Variants in RBM26 observed in about 807,000 individuals in gnomAD.
RBM26 encodes RNA binding motif protein 26.
RBM26 carries 30 observed loss-of-function variants against 123.6 expected under a neutral mutation model. The ratio of observed to expected loss-of-function variants is 0.24; its 90% CI spans 0.18 to 0.33. The LOEUF is 0.33. Ranked by LOEUF, RBM26 falls within the 10% of genes least tolerant of loss-of-function variation. The pLI, the probability that RBM26 is intolerant of heterozygous loss-of-function variation, is 1.00. For missense variants in RBM26, 947 were observed against 1,203.6 expected (o/e 0.79, Z 3.15); for synonymous variants, 400 against 404.4 (o/e 0.99, Z 0.13).
intron 3 of RBM26, among the ~76,000 whole-genome samples, chr13:79,374,457 A>C (rs2076466208): frequency 1.3e-5 from 2 of 152,148 alleles, no homozygotes; most frequent in Admixed American, 6.6e-5. Context: ...ACGACACTCC[A>C]GCCTGGGCAA....
chr13:79,332,390 C>T lies in RBM26; in HGVS notation c.2820+1954G>A, dbSNP rs148106459. Reference sequence around the variant, plus strand: ...ACACACAAATTTTTAAATTCCTAAACTTTACTGTTCCCTGAAATCCAAAAG... The same window carrying T: ...ACACACAAATTTTTAAATTCCTAAATTTTACTGTTCCCTGAAATCCAAAAG... On this transcript the variant is annotated intron_variant, in intron 20 of 21. Coordinates refer to ENST00000438737, the MANE Select transcript of RBM26 (RefSeq NM_001366735.2). Among the ~76,000 whole-genome samples, 625 of 152,242 alleles carry T rather than the reference C, an allele frequency of 4.1e-3. 2 individuals are homozygous for T. The highest frequency in any genetic ancestry group is 6.8e-3 in the Middle Eastern group (2 of 294).
Position 79,406,032 on chromosome 13 carries a change from T to G in RBM26, c.-258A>C, listed in dbSNP as rs536253436. On this transcript the variant is annotated 5_prime_UTR_variant, in exon 1 of 22. Transcript: ENST00000438737. ...AAACAGCAACGGTTTGCCCGGGCCC[T>G]CCCCCTTCCCTCTTCCCCAGCAAAT... 4.1e-6 allele frequency: 1 copy of G among 242,810 alleles called. No homozygotes were observed. The highest frequency in any genetic ancestry group is 3.1e-5 in the African/African-American group (1 of 32,780). The allele number at this position is 242,810 out of a possible 1,614,324, so 15.0% of individuals were successfully genotyped here.
Position 79,366,050 on chromosome 13 carries a change from T to C in RBM26, c.1276+5A>G, listed in dbSNP as rs780608699. On this transcript the variant is annotated splice_donor_5th_base_variant and intron_variant, in intron 8 of 21. Transcript: ENST00000438737. The stretch of plus-strand genomic sequence containing the variant: ...TTACGAATATAAAAAGGGCCAAAAC[T>C]GCACCTGCAGTAAAAAGAGAGGGTG... The C allele has an allele frequency of 6.2e-7, 1 of 1,613,164 alleles. No individual in the cohort carries two copies. The highest frequency in any genetic ancestry group is 1.7e-5 in the Admixed American group (1 of 59,882).
chr13:79,357,620 G>T (rs372846069), intron 11 of RBM26, among the ~76,000 whole-genome samples: 3 of 152,086 alleles, frequency 2.0e-5, no homozygotes, highest in South Asian at 4.1e-4. Flanking sequence ...GGCCCCAAAA[G>T]TCTCTATTAA....
At chr13:79,361,188 T>C (rs1381539810) in intron 9 of RBM26, among the ~76,000 whole-genome samples, 2 of 152,134 alleles carry the variant, frequency 1.3e-5, no homozygotes, top group African/African-American at 2.4e-5. Flanking sequence ...GAAACTACCA[T>C]TTTCCCAATC....
At position 79,371,110 on chromosome 13, in the gene RBM26, G is replaced by T; in HGVS notation, c.469C>A (p.Arg157=). Residue 157 remains arginine (R), a synonymous_variant, in exon 5 of 22, where the codon CGA becomes AGA. Coordinates refer to ENST00000438737, the MANE Select transcript of RBM26 (RefSeq NM_001366735.2). ...TATGAATCTCTTCGAGGAGGGTTTCGATCATAATCTCTTTTGCGAGAACGA... is the reference window on the plus strand; with the variant it reads ...TATGAATCTCTTCGAGGAGGGTTTCTATCATAATCTCTTTTGCGAGAACGA... ...DDRSRKRDYD[R]NPPRRDSYRD... 6.2e-7 allele frequency: 1 copy of T among 1,614,080 alleles called. No individual in the cohort carries two copies. The highest frequency in any genetic ancestry group is 8.5e-7 in the Non-Finnish European group (1 of 1,180,016).
At chr13:79,369,112 TC>T in intron 5 of RBM26, 122 bp from the exon 6 acceptor site, 1 of 562,214 alleles carries the variant, frequency 1.8e-6, no homozygotes, top group African/African-American at 1.9e-5. Context: ...TGCATAATAA[TC>T]ATTTTCTTTT....
chr13:79,405,624 C>T, intron 1 of RBM26, 80 bp downstream of exon 1: 2 of 999,300 alleles, frequency 2.0e-6, no homozygotes, highest in Non-Finnish European at 2.9e-6. Context: ...ACCGCAGGCA[C>T]TTGGGGAAAC....
At chr13:79,373,479 C>T (rs369179684) in intron 3 of RBM26, among the ~76,000 whole-genome samples, 324 of 1,464 alleles carry the variant, frequency 0.22, 18 homozygotes, top group African/African-American at 0.36. Flanking sequence ...TATAAATATA[C>T]AAATATATAT....
chr13:79,403,090 CAAA>C (rs1214237865), intron 1 of RBM26, among the ~76,000 whole-genome samples: 4 of 121,052 alleles, frequency 3.3e-5, no homozygotes, highest in Non-Finnish European at 3.6e-5. Flanking sequence ...AATGTTAAAG[CAAA>C]AAAAAAAAAA....
chr13:79,405,566 A>C (rs1212150399), intron 1 of RBM26, 138 bp downstream of exon 1: 2 of 459,908 alleles, frequency 4.3e-6, no homozygotes, highest in African/African-American at 2.0e-5. Context: ...GTGGACGAGG[A>C]GGAGAAGCCA....
intron 1 of RBM26, among the ~76,000 whole-genome samples, chr13:79,387,690 T>A (rs2077605094): frequency 6.6e-6 from 1 of 152,208 alleles, no homozygotes; most frequent in Admixed American, 6.5e-5. Context: ...GTTAACTGAA[T>A]TTCAAAATAA....
chr13:79,319,968 T>TTTTGA lies in RBM26; in HGVS notation c.*652_*653insTCAAA. The stretch of plus-strand genomic sequence containing the variant: ...TCTTGGCTTTTTTTTTTTTTTTTTT[T>TTTTGA]TTGTCATTGCTTTTCTCTTTTCTTT... On this transcript the variant is annotated 3_prime_UTR_variant, in exon 22 of 22. Coordinates refer to ENST00000438737, the MANE Select transcript of RBM26 (RefSeq NM_001366735.2). The TTTTGA allele has an allele frequency of 1.7e-6, 1 of 587,858 alleles. No homozygotes were observed. The allele number at this position is 587,858 out of a possible 1,614,324, so 36.4% of individuals were successfully genotyped here. A position where few individuals can be genotyped will look rare whatever the true frequency, so the allele number is the denominator to read the frequency against.
chr13:79,318,333 A>G (rs2067338940), downstream of RBM26, among the ~76,000 whole-genome samples: 1 of 151,302 alleles, frequency 6.6e-6, no homozygotes, highest in African/African-American at 2.4e-5. Context: ...GACTGGGCAA[A>G]TCATTCCATC....
intron 1 of RBM26, among the ~76,000 whole-genome samples, chr13:79,392,220 T>C (rs1179461223): frequency 4.4e-5 from 5 of 114,000 alleles, no homozygotes; most frequent in African/African-American, 1.5e-4. Flanking sequence ...TAATACATAA[T>C]TATTATATAA....
At chr13:79,369,068 AT>A in intron 5 of RBM26, 78 bp from the exon 6 acceptor site, 1 of 937,428 alleles carries the variant, frequency 1.1e-6, no homozygotes, top group Non-Finnish European at 1.5e-6. Context: ...AAATAGTGAT[AT>A]TTTTATAAAC....
intron 11 of RBM26, among the ~76,000 whole-genome samples, chr13:79,356,369 C>CATAAAAAAAAAAAAA (rs2073989972): frequency 1.2e-5 from 1 of 83,512 alleles, no homozygotes; most frequent in African/African-American, 5.1e-5. Flanking sequence ...GACTCTGTCT[C>CATAAAAAAAAAAAAA]AAAAAAAAAA....
chr13:79,315,243 G>A (rs1443811313), downstream of RBM26, among the ~76,000 whole-genome samples: 1 of 151,714 alleles, frequency 6.6e-6, no homozygotes. Flanking sequence ...CATATCTATG[G>A]TCTAAAATTT....
At position 79,405,895 on chromosome 13, in the gene RBM26, G is replaced by A. The variant is rs1416255071; in HGVS notation, c.-121C>T. On this transcript the variant is annotated 5_prime_UTR_variant, in exon 1 of 22. Transcript: ENST00000438737. The stretch of plus-strand genomic sequence containing the variant: ...CGCGTGGGCCGCGGTGGGAGGCGCC[G>A]GTGGCAGGTTCCCGCGGGCCCCGGT... The A allele has an allele frequency of 2.2e-6, 1 of 447,702 alleles. No individual in the cohort carries two copies. The highest frequency in any genetic ancestry group is 9.7e-5 in the South Asian group (1 of 10,292). The allele number at this position is 447,702 out of a possible 1,614,324, so 27.7% of individuals were successfully genotyped here.
Sources: allele counts gnomAD v4.1 joint callset (sites outside exome capture counted in the v4.1 genomes callset), GRCh38; gene constraint gnomAD v4.1.1; transcripts MANE v1.5; gene names NCBI Gene and HGNC (gene_info 2026-07-23, HGNC 2026-07-21).